GPR107: variants seen among roughly 807,000 people sequenced by gnomAD.
GPR107 encodes the protein G protein-coupled receptor 107.
In GPR107, 31 loss-of-function variants were observed where a neutral mutation model predicts 75.5. The observed-to-expected ratio is 0.41, with a 90% CI of 0.31 to 0.55. GPR107 has a LOEUF of 0.55. GPR107 is among the 20% of genes least tolerant of loss of function. The pLI is 0.26. For synonymous variants in GPR107, 267 were observed against 251.3 expected (o/e 1.06, Z -0.59); for missense variants, 572 against 665.7 (o/e 0.86, Z 1.55).
Position 130,107,485 on chromosome 9 carries a change from T to C in GPR107, c.1263-11T>C, listed in dbSNP as rs1831188108. The C allele has an allele frequency of 2.6e-6, 4 of 1,552,212 alleles. No individual in the cohort carries two copies. Among genetic ancestry groups the C allele is most frequent in the Non-Finnish European group, 3.6e-6 (4 of 1,123,440 alleles). On this transcript the variant is annotated splice_polypyrimidine_tract_variant and intron_variant, in intron 13 of 17. Coordinates refer to ENST00000347136, the MANE Select transcript of GPR107 (RefSeq NM_020960.5). ...CAGCTAACTTTTTGTTCTCTAAATG[T>C]TTATTTTTAGGTCAATCAGACATTT...
intron 14 of GPR107, among the ~76,000 whole-genome samples, chr9:130,123,210 A>AT (rs1340463880): frequency 3.2e-4 from 47 of 146,860 alleles, no homozygotes; most frequent in African/African-American, 5.2e-4. Flanking sequence ...AAACAGCTAA[A>AT]TTTTTTTTTT....
At chr9:130,056,497 G>A (rs1829792621) in intron 1 of GPR107, among the ~76,000 whole-genome samples, 1 of 151,952 alleles carries the variant, frequency 6.6e-6, no homozygotes, top group Non-Finnish European at 1.5e-5. Context: ...AGTCAGGGGT[G>A]TCCAATCTTT....
intron 6 of GPR107, among the ~76,000 whole-genome samples, chr9:130,085,375 T>A (rs1379620932): frequency 1.3e-5 from 2 of 152,314 alleles, no homozygotes; most frequent in African/African-American, 4.8e-5. Flanking sequence ...AAGTTTTGGT[T>A]GGCGATATCT....
intron 14 of GPR107, among the ~76,000 whole-genome samples, chr9:130,114,029 C>CTTTTTTTTTTTT (rs60616601): frequency 8.6e-4 from 78 of 90,646 alleles, no homozygotes; most frequent in Middle Eastern, 6.7e-3. Flanking sequence ...TCTTCTCATT[C>CTTTTTTTTTTTT]TTTTTTTTTT....
intron 9 of GPR107, among the ~76,000 whole-genome samples, chr9:130,096,482 T>TC (rs1830873259): frequency 1.3e-5 from 2 of 150,324 alleles, no homozygotes; most frequent in African/African-American, 4.9e-5. Flanking sequence ...TTTTTTTTTT[T>TC]TTTTGAGACC....
At chr9:130,088,719 C>A (rs898175085) in intron 7 of GPR107, among the ~76,000 whole-genome samples, 4 of 152,146 alleles carry the variant, frequency 2.6e-5, no homozygotes, top group African/African-American at 9.7e-5. Flanking sequence ...GTAATGTAAC[C>A]TGCCCTAAGC....
intron 6 of GPR107, among the ~76,000 whole-genome samples, chr9:130,085,269 G>A (rs1285977147): frequency 2.6e-5 from 4 of 152,164 alleles, no homozygotes; most frequent in Non-Finnish European, 5.9e-5. Context: ...CAGAGCCTTG[G>A]ATGGTAAACG....
intron 1 of GPR107, among the ~76,000 whole-genome samples, chr9:130,057,092 C>G (rs181776196): frequency 5.8e-4 from 88 of 152,056 alleles, no homozygotes; most frequent in African/African-American, 1.9e-3. Flanking sequence ...TTTAGATTGT[C>G]TGTTTTGCTT....
chr9:130,067,092 T>C (rs189230815), intron 1 of GPR107, among the ~76,000 whole-genome samples: 1 of 152,208 alleles, frequency 6.6e-6, no homozygotes, highest in African/African-American at 2.4e-5. Context: ...CTGAGGGAGA[T>C]AGTGTTGATA....
chr9:130,077,999 A>G (rs2132564535), intron 4 of GPR107, among the ~76,000 whole-genome samples: 1 of 152,226 alleles, frequency 6.6e-6, no homozygotes, highest in Non-Finnish European at 1.5e-5. Flanking sequence ...CCCCGTCTCT[A>G]CTAAAAATAC....
At position 130,104,509 on chromosome 9, in the gene GPR107, C is replaced by T. The variant is rs1252252246; in HGVS notation, c.1221C>T (p.Val407=). The change falls in exon 13 of 18, where the codon GTC becomes GTT. Residue 407 remains valine, a synonymous_variant. Transcript: ENST00000347136. ...YGLWKDSLFL[V]DLLCCGAILF... ...TGTGGAAGGACTCTCTATTTCTGGT[C>T]GACCTGTTGTGTTGTGGTGCCATCC... The T allele has an allele frequency of 8.1e-6, 13 of 1,613,550 alleles. No individual in the cohort carries two copies. Among genetic ancestry groups the T allele is most frequent in the South Asian group, 3.3e-5 (3 of 91,042 alleles).
chr9:130,110,801 G>T (rs1831279078), intron 14 of GPR107, among the ~76,000 whole-genome samples: 1 of 152,162 alleles, frequency 6.6e-6, no homozygotes, highest in Non-Finnish European at 1.5e-5. Flanking sequence ...CCAGTCGCTG[G>T]TGCTGGGATC....
At position 130,124,333 on chromosome 9, in the gene GPR107, C is replaced by T. The variant is rs368580551; in HGVS notation, c.1307-582C>T. ...TGTCAGGAAGGTAGCTGTCCTGGCT[C>T]AGCTGACCTTGAGCATGCATGAAGG... On this transcript the variant is annotated intron_variant, in intron 14 of 17. Transcript: ENST00000347136. Among the ~76,000 whole-genome samples the T allele has an allele frequency of 2.6e-5, 4 of 152,300 alleles. No individual in the cohort carries two copies. The East Asian group carries it at 5.8e-4, about 22-fold the overall frequency.
intron 1 of GPR107, among the ~76,000 whole-genome samples, chr9:130,074,663 C>T (rs552793234): frequency 6.6e-6 from 1 of 152,212 alleles, no homozygotes; most frequent in African/African-American, 2.4e-5. Flanking sequence ...ACTCTGTCTC[C>T]ATGTCGCTAA....
chr9:130,112,519 G>T lies in GPR107; in HGVS notation c.1306+4980G>T, dbSNP rs1195779959. On this transcript the variant is annotated intron_variant, in intron 14 of 17. Coordinates refer to ENST00000347136, the MANE Select transcript of GPR107 (RefSeq NM_020960.5). This position sits in a 1 kb window ranked among gnomAD's most constrained non-coding sequence, Gnocchi z 4.0. ...TCTTTACTGTCACCTACTCACAGGG[G>T]GTGAAAAAGGCTCATATCACTTAAG... Among the ~76,000 whole-genome samples the T allele has an allele frequency of 2.0e-5, 3 of 152,056 alleles. No homozygotes were observed. Among genetic ancestry groups the T allele is most frequent in the Non-Finnish European group, 4.4e-5 (3 of 68,008 alleles).
At chr9:130,068,436 A>G (rs1262159075) in intron 1 of GPR107, among the ~76,000 whole-genome samples, 3 of 26,210 alleles carry the variant, frequency 1.1e-4, no homozygotes, top group African/African-American at 1.9e-4. Context: ...ATTTAAAAAC[A>G]AAAGTAAAAC....
In GPR107 at chr9:130,124,917, G is replaced by T; in HGVS notation, c.1309G>T (p.Ala437Ser). 5 of 1,547,936 alleles carry T rather than the reference G, an allele frequency of 3.2e-6. No homozygotes were observed. Among genetic ancestry groups the T allele is most frequent in the Non-Finnish European group, 4.4e-6 (5 of 1,135,866 alleles). Residue 437 changes from alanine to serine, a missense_variant and splice_region_variant, in exon 15 of 18, where the codon GCT becomes TCT. Physicochemically the swap from Ala to Ser is moderately conservative, Grantham distance 99 (BLOSUM62 1). Coordinates refer to ENST00000347136, the MANE Select transcript of GPR107 (RefSeq NM_020960.5). ...ATTTTGTTCTTTCTTCTCTCTAGCT[G>T]CTATTAACTTAGCAAAGCTGAAACT... ...QEASATDGKA[A>S]INLAKLKLFR...
intron 1 of GPR107, among the ~76,000 whole-genome samples, chr9:130,066,509 T>A (rs1380873433): frequency 1.3e-5 from 2 of 152,000 alleles, no homozygotes; most frequent in Admixed American, 1.3e-4. Flanking sequence ...TCCAAAACTA[T>A]GATCAGTATG....
chr9:130,087,322 G>A (rs151024612), intron 7 of GPR107, among the ~76,000 whole-genome samples: 4 of 152,230 alleles, frequency 2.6e-5, no homozygotes, highest in African/African-American at 7.2e-5. Flanking sequence ...ACAGATGTGA[G>A]CCACCTTGCC....
Sources: allele counts gnomAD v4.1 joint callset (sites outside exome capture counted in the v4.1 genomes callset), GRCh38; gene constraint gnomAD v4.1.1; non-coding constraint Gnocchi (gnomAD v3.1); transcripts MANE v1.5; gene names NCBI Gene and HGNC (gene_info 2026-07-23, HGNC 2026-07-21).